The following PTPRG variants were observed in gnomAD, a reference collection of about 807,000 sequenced individuals.
PTPRG encodes protein tyrosine phosphatase receptor type G.
A neutral mutation model predicts 165.3 loss-of-function variants in PTPRG; 102 were observed. The observed-to-expected ratio is 0.62, with a 90% CI of 0.53 to 0.73. The LOEUF (loss-of-function observed/expected upper bound fraction) is 0.73. Ranked by LOEUF, PTPRG falls within the 30% of genes least tolerant of loss-of-function variation. The probability of loss-of-function intolerance (pLI) is 0.00; values close to 1 mark genes in which losing one functional copy is unlikely to be tolerated. For missense variants in PTPRG, 1,866 were observed against 1,861.4 expected, an observed-to-expected ratio of 1.00 and a Z score of -0.05; for synonymous variants, 675 against 669.5, an observed-to-expected ratio of 1.01 and a Z score of -0.13.
At chr3:61,629,923 G>C (rs1298641339) in intron 1 of PTPRG, among the ~76,000 whole-genome samples, 2 of 152,242 alleles carry the variant, frequency 1.3e-5, no homozygotes, top group African/African-American at 2.4e-5. Context: ...TACCATGCCA[G>C]AAATGAAGTC....
intron 4 of PTPRG, among the ~76,000 whole-genome samples, chr3:62,064,605 T>C (rs6445255): frequency 0.38 from 57,655 of 151,852 alleles, 11,401 homozygotes; most frequent in Non-Finnish European, 0.41. Context: ...TTTGTCTTTG[T>C]ATATGCAGCA....
chr3:62,019,496 C>G (rs1288808467), intron 4 of PTPRG, among the ~76,000 whole-genome samples: 1 of 138,618 alleles, frequency 7.2e-6, no homozygotes, highest in Admixed American at 7.5e-5. Context: ...GTACTCCAGC[C>G]TGGGTGACAG....
At chr3:62,272,451 T>G (rs1443342287) in intron 21 of PTPRG, among the ~76,000 whole-genome samples, 1 of 152,196 alleles carries the variant, frequency 6.6e-6, no homozygotes, top group Admixed American at 6.5e-5. Flanking sequence ...CTTGCCTCTT[T>G]TTTGTTTGTT....
At chr3:61,914,112 C>T (rs1428678576) in intron 2 of PTPRG, among the ~76,000 whole-genome samples, 1 of 152,174 alleles carries the variant, frequency 6.6e-6, no homozygotes, top group African/African-American at 2.4e-5. Flanking sequence ...TACTTTTCCT[C>T]TCATCTACAG....
rs757471163 is a variant in PTPRG, at chr3:62,252,647, T to TA, written c.2468-2476dup. Among the ~76,000 whole-genome samples the TA allele has an allele frequency of 2.0e-5, 3 of 152,194 alleles. No individual in the cohort carries two copies. Among genetic ancestry groups the TA allele is most frequent in the Non-Finnish European group, 4.4e-5 (3 of 68,030 alleles). On this transcript the variant is annotated intron_variant, in intron 15 of 29. Transcript: ENST00000474889. This position sits in a 1 kb window ranked among gnomAD's most constrained non-coding sequence, Gnocchi z 4.6. ...CCTAATTGCTTGGCCTTCTGCTAGT[T>TA]ACATTGATTTTATAATCATCTGGCT...
At chr3:62,115,592 T>C (rs534564457) in intron 5 of PTPRG, among the ~76,000 whole-genome samples, 252 of 152,180 alleles carry the variant, frequency 1.7e-3, no homozygotes, top group African/African-American at 5.5e-3. Context: ...TTTCAACTTA[T>C]AGAGTATAAC....
At chr3:61,597,929 TC>T (rs1477418024) in intron 1 of PTPRG, among the ~76,000 whole-genome samples, 1 of 152,144 alleles carries the variant, frequency 6.6e-6, no homozygotes, top group Non-Finnish European at 1.5e-5. Flanking sequence ...GCATGAAAAA[TC>T]CACTTAAAGG....
At chr3:61,786,978 T>C (rs1304260898) in intron 2 of PTPRG, among the ~76,000 whole-genome samples, 2 of 152,172 alleles carry the variant, frequency 1.3e-5, no homozygotes, top group African/African-American at 4.8e-5. Context: ...AAACACAGTT[T>C]TGGTTTTTAA....
At chr3:62,110,127 T>C (rs1314396886) in intron 5 of PTPRG, among the ~76,000 whole-genome samples, 1 of 139,662 alleles carries the variant, frequency 7.2e-6, no homozygotes, top group Non-Finnish European at 1.5e-5. Context: ...TAGCTTTTCC[T>C]GTACCCCTTA....
chr3:61,657,602 A>T (rs984374555), intron 1 of PTPRG, among the ~76,000 whole-genome samples: 1 of 152,150 alleles, frequency 6.6e-6, no homozygotes, highest in Non-Finnish European at 1.5e-5. Context: ...TTGTAGCTGA[A>T]TTATTGATGA....
chr3:62,169,535 T>A (rs1354001305), intron 8 of PTPRG, among the ~76,000 whole-genome samples: 1 of 152,120 alleles, frequency 6.6e-6, no homozygotes, highest in Admixed American at 6.6e-5. Flanking sequence ...GAACTTCTGG[T>A]TCTACCCTCA....
At chr3:62,230,933 T>C (rs1700888195) in intron 13 of PTPRG, among the ~76,000 whole-genome samples, 1 of 152,208 alleles carries the variant, frequency 6.6e-6, no homozygotes, top group African/African-American at 2.4e-5. Flanking sequence ...GGGTCATCAC[T>C]GTGTTTGTGA....
intron 2 of PTPRG, among the ~76,000 whole-genome samples, chr3:61,774,888 T>C (rs1178935229): frequency 6.6e-6 from 1 of 152,184 alleles, no homozygotes; most frequent in Non-Finnish European, 1.5e-5. Flanking sequence ...TGGACTGTGT[T>C]TGACCTTTTC....
chr3:62,080,095 C>T (rs543951793), intron 5 of PTPRG, among the ~76,000 whole-genome samples: 174 of 108,668 alleles, frequency 1.6e-3, no homozygotes, highest in Non-Finnish European at 1.2e-3. Context: ...GATGGAGTTT[C>T]GCTCTTGTTA....
At chr3:61,788,607 A>C (rs2034780394) in intron 2 of PTPRG, among the ~76,000 whole-genome samples, 1 of 152,290 alleles carries the variant, frequency 6.6e-6, no homozygotes, top group East Asian at 1.9e-4. Context: ...GAAAATAAAG[A>C]TTGTTTCTTT....
In PTPRG at chr3:62,217,814, C is replaced by T. The variant is rs1700547795; in HGVS notation, c.2156-1037C>T. On this transcript the variant is annotated intron_variant, in intron 12 of 29. Coordinates refer to ENST00000474889, the MANE Select transcript of PTPRG (RefSeq NM_002841.4). The surrounding 1 kb of genome is among the most constrained non-coding windows in gnomAD (Gnocchi z 4.3). ...GAAGATAGGATCTTCTGCTGAGGCT[C>T]CTGGGGACTTCTGAAGACATTCAGG... 6.6e-6 allele frequency: 1 copy of T among 152,414 alleles called. No homozygotes were observed. The highest frequency in any genetic ancestry group is 1.5e-5 in the Non-Finnish European group (1 of 68,272). The allele number at this position is 152,414 out of a possible 1,614,324, so 9.4% of individuals were successfully genotyped here. A position where few individuals can be genotyped will look rare whatever the true frequency, so the allele number is the denominator to read the frequency against.
intron 2 of PTPRG, among the ~76,000 whole-genome samples, chr3:61,950,434 G>A (rs1181421237): frequency 6.6e-6 from 1 of 152,156 alleles, no homozygotes; most frequent in Non-Finnish European, 1.5e-5. Flanking sequence ...GACATAGTAG[G>A]TGTTCAATGA....
rs550183342 is a variant in PTPRG at position 62,059,208 on chromosome 3, T to A, written c.520-18955T>A. 1.8e-4 allele frequency among the ~76,000 whole-genome samples: 28 copies of A among 152,362 alleles called. 1 individual carries two copies. The highest frequency in any genetic ancestry group is 6.5e-4 in the African/African-American group (27 of 41,584). Reference sequence around the variant, plus strand: ...GAATTGTCATGAAGATAAAATTTCCTAATCTTCACGAAGCACATGTCCTAG... The same window carrying A: ...GAATTGTCATGAAGATAAAATTTCCAAATCTTCACGAAGCACATGTCCTAG... On this transcript the variant is annotated intron_variant, in intron 4 of 29. Coordinates refer to ENST00000474889, the MANE Select transcript of PTPRG (RefSeq NM_002841.4).
At chr3:61,820,601 C>CTTTTTTTTTTTTTTTTTTTT (rs2035921425) in intron 2 of PTPRG, among the ~76,000 whole-genome samples, 1 of 98,670 alleles carries the variant, frequency 1.0e-5, no homozygotes, top group South Asian at 3.8e-4. Flanking sequence ...TCCTGTGTCT[C>CTTTTTTTTTTTTTTTTTTTT]TGTTTTTTTT....
Sources: allele counts gnomAD v4.1 joint callset (sites outside exome capture counted in the v4.1 genomes callset), GRCh38; gene constraint gnomAD v4.1.1; non-coding constraint Gnocchi (gnomAD v3.1); transcripts MANE v1.5; gene names NCBI Gene and HGNC (gene_info 2026-07-23, HGNC 2026-07-21).